The following CYRIA variants were observed in gnomAD, a reference collection of about 807,000 sequenced individuals.
The protein encoded by CYRIA is CYFIP-related Rac1 interactor A.
Under a neutral mutation model 43.9 loss-of-function variants are expected in CYRIA, and 15 were observed. The observed-to-expected ratio is 0.34, with a 90% CI of 0.23 to 0.53. The LOEUF (loss-of-function observed/expected upper bound fraction) is 0.53. CYRIA is among the 20% of genes least tolerant of loss of function. CYRIA has a pLI of 0.94. For missense variants in CYRIA, 236 were observed against 394.2 expected, an observed-to-expected ratio of 0.60 and a Z score of 3.40; for synonymous variants, 117 against 136.0, an observed-to-expected ratio of 0.86 and a Z score of 0.97.
chr2:16,607,361 T>C (rs1357063957), intron 2 of CYRIA, among the ~76,000 whole-genome samples: 4 of 151,816 alleles, frequency 2.6e-5, no homozygotes, highest in African/African-American at 7.3e-5. Context: ...AGGGAGCAAA[T>C]AGAATACAGA....
Position 16,552,731 on chromosome 2 carries a change from TCA to T in CYRIA, c.*203_*204del. ...TGCCTTTGGAGAAGGGGGTTTCATT[TCA>T]GACATCAAAGGTAAGGCTCTCAAGT... is the stretch of plus-strand genomic sequence containing the variant. On this transcript the variant is annotated 3_prime_UTR_variant, in exon 12 of 12. Transcript: ENST00000381323. The T allele has an allele frequency of 2.0e-6, 1 of 488,732 alleles. No homozygotes were observed. The highest frequency in any genetic ancestry group is 3.6e-6 in the Non-Finnish European group (1 of 275,850). The allele number at this position is 488,732 out of a possible 1,614,324, so 30.3% of individuals were successfully genotyped here. A position where few individuals can be genotyped will look rare whatever the true frequency, so the allele number is the denominator to read the frequency against.
intron 1 of CYRIA, among the ~76,000 whole-genome samples, chr2:16,653,561 T>A (rs1162167633): frequency 6.6e-6 from 1 of 152,222 alleles, no homozygotes; most frequent in East Asian, 1.9e-4. Flanking sequence ...TGTTTATATG[T>A]TTATGGTCCA....
chr2:16,557,558 C>T (rs62122695), intron 10 of CYRIA, among the ~76,000 whole-genome samples: 87 of 152,174 alleles, frequency 5.7e-4, no homozygotes, highest in Non-Finnish European at 1.1e-3. Flanking sequence ...AAAAAATGGC[C>T]CATCTCAAAT....
chr2:16,561,525 G>T lies in CYRIA; in HGVS notation c.444C>A (p.Asn148Lys). 6.2e-7 allele frequency: 1 copy of T among 1,613,558 alleles called. No individual in the cohort carries two copies. ...AGCTGAAGTCATTCTGAATAGCCGG[G>T]TTCCTCATCTGAAATTCAGAGGACA... Reference protein sequence around the residue: ...TLRFDELKMRNPAIQNDFSYY... With the variant: ...TLRFDELKMRKPAIQNDFSYY... The change falls in exon 7 of 12, where the codon AAC (asparagine) becomes AAA (lysine). Residue 148 changes from asparagine (N) to lysine (K), a missense_variant. Around this residue, in one of 3 missense-constraint regions of CYRIA, gnomAD observed 193 missense variants for 303.9 expected, o/e 0.64. Transcript: ENST00000381323.
chr2:16,559,676 A>G (rs2103408175), intron 9 of CYRIA, 90 bp from the exon 10 acceptor site: 1 of 1,463,088 alleles, frequency 6.8e-7, no homozygotes, highest in South Asian at 1.4e-5. Flanking sequence ...GATGCCTCCA[A>G]TCCTCTCTTG....
intron 2 of CYRIA, among the ~76,000 whole-genome samples, chr2:16,592,710 A>G (rs1378332251): frequency 5.3e-5 from 8 of 152,148 alleles, no homozygotes; most frequent in Admixed American, 5.2e-4. Context: ...TATGACTTCT[A>G]CTGTGAAACA....
intron 1 of CYRIA, among the ~76,000 whole-genome samples, chr2:16,624,247 C>A (rs1669091007): frequency 6.6e-6 from 1 of 152,196 alleles, no homozygotes; most frequent in Non-Finnish European, 1.5e-5. Flanking sequence ...GAGTTGAATC[C>A]ACATTGGAAC....
At chr2:16,556,222 G>T (rs537601835) in intron 10 of CYRIA, among the ~76,000 whole-genome samples, 6 of 152,104 alleles carry the variant, frequency 3.9e-5, no homozygotes, top group African/African-American at 1.4e-4. Flanking sequence ...ACTGATGGAG[G>T]CTGCCAGAAA....
At chr2:16,631,601 C>G (rs1258708506) in intron 1 of CYRIA, among the ~76,000 whole-genome samples, 1 of 152,210 alleles carries the variant, frequency 6.6e-6, no homozygotes, top group African/African-American at 2.4e-5. Flanking sequence ...GGAGCTAAGC[C>G]TTAGTTGCCT....
chr2:16,651,494 G>T (rs1172983389), intron 1 of CYRIA, among the ~76,000 whole-genome samples: 2 of 152,184 alleles, frequency 1.3e-5, no homozygotes, highest in Non-Finnish European at 2.9e-5. Flanking sequence ...GATAAAAATT[G>T]ATCTGTGAAC....
intron 2 of CYRIA, among the ~76,000 whole-genome samples, chr2:16,592,545 G>C (rs1667966168): frequency 6.6e-6 from 1 of 152,100 alleles, no homozygotes; most frequent in Non-Finnish European, 1.5e-5. Flanking sequence ...AGGTGTCTGG[G>C]CATCTGGGTC....
intron 10 of CYRIA, among the ~76,000 whole-genome samples, chr2:16,558,580 A>G (rs1264892391): frequency 6.6e-6 from 1 of 152,198 alleles, no homozygotes; most frequent in Non-Finnish European, 1.5e-5. Flanking sequence ...GCTAGAGGCA[A>G]GTGCTGGATG....
In CYRIA at chr2:16,650,730, C is replaced by T. The variant is rs555839899; in HGVS notation, c.-167+15050G>A. Among the ~76,000 whole-genome samples, 5 of 152,224 alleles carry T rather than the reference C, an allele frequency of 3.3e-5. No individual in the cohort carries two copies. In the South Asian group the frequency reaches 1.0e-3, roughly 32 times the overall value. On this transcript the variant is annotated intron_variant, in intron 1 of 11. Coordinates refer to ENST00000381323, the MANE Select transcript of CYRIA (RefSeq NM_030797.4). The surrounding 1 kb of genome is among the most constrained non-coding windows in gnomAD (Gnocchi z 4.1). ...GCCCATTACATGCCTGCAACCGGCACCGGGAATGGCAACAATCAGAGGGTG... is the reference window on the plus strand; with the variant it reads ...GCCCATTACATGCCTGCAACCGGCATCGGGAATGGCAACAATCAGAGGGTG...
chr2:16,624,048 G>A (rs1464862736), intron 1 of CYRIA, 29 bp from the exon 2 acceptor site: 1 of 152,234 alleles, frequency 6.6e-6, no homozygotes, highest in African/African-American at 2.4e-5. Context: ...TCATGTTACT[G>A]TGAGAAGCAA....
chr2:16,661,025 T>C (rs1187193896), intron 1 of CYRIA, among the ~76,000 whole-genome samples: 2 of 152,318 alleles, frequency 1.3e-5, no homozygotes, highest in East Asian at 3.9e-4. Context: ...ACTGACAGAC[T>C]GAATCCCAGC....
Position 16,558,708 on chromosome 2 carries a change from C to G in CYRIA, c.837+752G>C, listed in dbSNP as rs149575596. On this transcript the variant is annotated intron_variant, in intron 10 of 11. Coordinates refer to ENST00000381323, the MANE Select transcript of CYRIA (RefSeq NM_030797.4). The stretch of plus-strand genomic sequence containing the variant: ...ATCCATCAAAACACCTACAGCGTGT[C>G]TGTTGAGTTCCACCCACTATGTGCC... 6.1e-3 allele frequency among the ~76,000 whole-genome samples: 924 copies of G among 152,238 alleles called. 7 individuals carry two copies. Among genetic ancestry groups the G allele is most frequent in the African/African-American group, 0.022 (895 of 41,552 alleles).
At chr2:16,570,717 T>C (rs1026355129) in intron 3 of CYRIA, among the ~76,000 whole-genome samples, 1 of 152,140 alleles carries the variant, frequency 6.6e-6, no homozygotes, top group African/African-American at 2.4e-5. Flanking sequence ...GTGCTTGGCT[T>C]TTCTATTTTT....
chr2:16,646,996 A>G (rs12996244), intron 1 of CYRIA, among the ~76,000 whole-genome samples: 88 of 152,324 alleles, frequency 5.8e-4, no homozygotes, highest in African/African-American at 2.0e-3. Context: ...AGCTTGCCAG[A>G]TGCAGATCTT....
chr2:16,658,819 G>C (rs1670177662), intron 1 of CYRIA, among the ~76,000 whole-genome samples: 1 of 152,106 alleles, frequency 6.6e-6, no homozygotes, highest in Admixed American at 6.5e-5. Flanking sequence ...GAAAGAGCAG[G>C]GGTGTTCATC....
Sources: gnomAD v4.1 joint callset for allele counts (sites outside exome capture counted in the v4.1 genomes callset) on GRCh38, gnomAD v4.1.1 for gene constraint, gnomAD v4.1.1 regional missense constraint, Gnocchi (gnomAD v3.1) non-coding constraint, MANE v1.5 for transcripts, NCBI Gene and HGNC (gene_info 2026-07-23, HGNC 2026-07-21) for gene names.